SYNE3: variants seen among roughly 807,000 people sequenced by gnomAD.
SYNE3 encodes the protein nesprin-3.
Under a neutral mutation model 111.2 loss-of-function variants are expected in SYNE3, and 100 were observed. That is an observed-to-expected ratio of 0.90 (90% confidence interval 0.77 to 1.06). SYNE3 has a LOEUF of 1.06. SYNE3 is among the 50% of genes least tolerant of loss of function. The probability of loss-of-function intolerance (pLI) is 0.00; values close to 1 mark genes in which losing one functional copy is unlikely to be tolerated. For synonymous variants in SYNE3, 547 were observed against 533.9 expected (o/e 1.02, Z -0.34); for missense variants, 1,160 against 1,240.3 (o/e 0.94, Z 0.97).
chr14:95,512,568 ATAGGC>A (rs1890759781), intron 1 of SYNE3, among the ~76,000 whole-genome samples: 1 of 150,998 alleles, frequency 6.6e-6, no homozygotes, highest in Non-Finnish European at 1.5e-5. Context: ...AAATAAATAA[ATAGGC>A]TGGGCACGGT....
chr14:95,474,360 A>G (rs913212492), intron 2 of SYNE3, among the ~76,000 whole-genome samples: 4 of 152,158 alleles, frequency 2.6e-5, no homozygotes, highest in African/African-American at 9.7e-5. Flanking sequence ...AGTTGCCCTG[A>G]TTGTTTGCAT....
At chr14:95,480,069 A>G (rs944071591) in intron 1 of SYNE3, among the ~76,000 whole-genome samples, 1 of 152,210 alleles carries the variant, frequency 6.6e-6, no homozygotes, top group Non-Finnish European at 1.5e-5. Flanking sequence ...AAATAAATAA[A>G]TAAATAAAAA....
intron 1 of SYNE3, among the ~76,000 whole-genome samples, chr14:95,484,303 G>A (rs1889423031): frequency 6.6e-6 from 1 of 152,190 alleles, no homozygotes; most frequent in Admixed American, 6.5e-5. Flanking sequence ...TATGTTCCTA[G>A]GGCAGGGTGG....
At chr14:95,463,649 G>C (rs1465676970) in intron 4 of SYNE3, among the ~76,000 whole-genome samples, 1 of 152,222 alleles carries the variant, frequency 6.6e-6, no homozygotes, top group Non-Finnish European at 1.5e-5. Flanking sequence ...GCCTTGGCAG[G>C]GCTGGATGAG....
At chr14:95,428,908 C>A (rs1279219769) in intron 17 of SYNE3, among the ~76,000 whole-genome samples, 2 of 152,160 alleles carry the variant, frequency 1.3e-5, no homozygotes, top group Admixed American at 6.5e-5. Flanking sequence ...TGTGGAGAAC[C>A]AACTGCTCAT....
chr14:95,506,557 A>G (rs1266212920), intron 1 of SYNE3, among the ~76,000 whole-genome samples: 7 of 152,342 alleles, frequency 4.6e-5, no homozygotes, highest in Admixed American at 3.9e-4. Flanking sequence ...CGCCCTGTTC[A>G]ACTCACTGCA....
intron 4 of SYNE3, among the ~76,000 whole-genome samples, chr14:95,461,373 C>T (rs1181676131): frequency 6.6e-6 from 1 of 152,198 alleles, no homozygotes; most frequent in South Asian, 2.1e-4. Context: ...AACAAACAAA[C>T]AAGCCCCTCC....
intron 11 of SYNE3, among the ~76,000 whole-genome samples, chr14:95,441,449 G>A (rs1188854174): frequency 2.0e-5 from 3 of 152,226 alleles, no homozygotes; most frequent in African/African-American, 4.8e-5. Flanking sequence ...AGACTGCCTC[G>A]CTGTGGGGAA....
chr14:95,515,104 A>T (rs1169796645), intron 1 of SYNE3, among the ~76,000 whole-genome samples: 1 of 152,184 alleles, frequency 6.6e-6, no homozygotes, highest in African/African-American at 2.4e-5. Flanking sequence ...CCACCAACAC[A>T]TCCTCAGGCC....
intron 8 of SYNE3, among the ~76,000 whole-genome samples, chr14:95,446,914 C>CACAGG (rs1886753188): frequency 6.6e-6 from 1 of 152,190 alleles, no homozygotes; most frequent in Admixed American, 6.5e-5. Flanking sequence ...GCCTCTCCAG[C>CACAGG]TGTTTCAGGT....
At chr14:95,449,335 TGAGGG>T (rs1235639916) in intron 8 of SYNE3, 2 of 719,842 alleles carry the variant, frequency 2.8e-6, no homozygotes, top group Admixed American at 6.3e-5. Context: ...CAATGAGATG[TGAGGG>T]GAGTGTGCGG....
chr14:95,457,451 G>T, intron 4 of SYNE3, 113 bp from the exon 5 acceptor site: 1 of 1,302,336 alleles, frequency 7.7e-7, no homozygotes, highest in Non-Finnish European at 1.1e-6. Flanking sequence ...TGTGTTAGCA[G>T]GGGGTGCAAC....
At chr14:95,510,223 T>C (rs1890673733) in intron 1 of SYNE3, among the ~76,000 whole-genome samples, 2 of 152,170 alleles carry the variant, frequency 1.3e-5, no homozygotes, top group South Asian at 4.1e-4. Flanking sequence ...CCAACCCTGT[T>C]AGATGGGAAA....
chr14:95,452,252 A>G lies in SYNE3; in HGVS notation c.1269T>C (p.Tyr423=). 6.3e-7 allele frequency: 1 copy of G among 1,599,380 alleles called. No individual in the cohort carries two copies. Among genetic ancestry groups the G allele is most frequent in the Non-Finnish European group, 8.6e-7 (1 of 1,168,948 alleles). Residue 423 remains tyrosine, a synonymous_variant, in exon 7 of 18, where the codon TAT becomes TAC. Coordinates refer to ENST00000682763, the MANE Select transcript of SYNE3 (RefSeq NM_152592.6). The stretch of plus-strand genomic sequence containing the variant: ...CCCTTGGCCTTCCCAGATACCTCTG[A>G]TACTCCTGGATGGTAGCGATGACAC... ...SDSVIATIQE[Y]QSLKVKSARL...
At chr14:95,494,894 C>T (rs1278750180) in intron 1 of SYNE3, among the ~76,000 whole-genome samples, 1 of 151,938 alleles carries the variant, frequency 6.6e-6, no homozygotes, top group African/African-American at 2.4e-5. Flanking sequence ...GTGTGGATCG[C>T]CTGAGGTCAG....
intron 7 of SYNE3, 105 bp downstream of exon 7, chr14:95,452,142 T>C (rs1244148927): frequency 2.2e-6 from 3 of 1,336,804 alleles, no homozygotes; most frequent in African/African-American, 1.5e-5. Context: ...AAGAATGATT[T>C]AGAAGTTACT....
Position 95,436,821 on chromosome 14 carries a change from T to G in SYNE3, c.2537A>C (p.Gln846Pro). Residue 846 changes from glutamine (Q) to proline (P), a missense_variant and splice_region_variant, in exon 15 of 18, where the codon CAG (glutamine) becomes CCG (proline). Physicochemically the swap from Gln to Pro is moderately conservative, Grantham distance 76 (BLOSUM62 -1). Coordinates refer to ENST00000682763, the MANE Select transcript of SYNE3 (RefSeq NM_152592.6). ...EDLRTRKSKL[Q>P]ELEARVPEGQ... ...AGGGACCTTTCCTGGGGAACAGACC[T>G]GCAGCTTCGATTTTCTGGTCCTCAA... 1.2e-6 allele frequency: 2 copies of G among 1,614,036 alleles called. No homozygotes were observed. The highest frequency in any genetic ancestry group is 1.7e-6 in the Non-Finnish European group (2 of 1,180,038).
intron 10 of SYNE3, 117 bp from the exon 11 acceptor site, chr14:95,443,406 G>A (rs986888707): frequency 1.4e-5 from 19 of 1,311,280 alleles, no homozygotes; most frequent in African/African-American, 7.4e-5. Context: ...TCCCCAAGGC[G>A]GTGGGGCTCT....
At chr14:95,505,003 TG>T (rs1179701569) in intron 1 of SYNE3, among the ~76,000 whole-genome samples, 1 of 152,208 alleles carries the variant, frequency 6.6e-6, no homozygotes, top group Non-Finnish European at 1.5e-5. Flanking sequence ...GTTTCCCTTC[TG>T]GGGAGCTTAA....
Sources: gnomAD v4.1 joint callset for allele counts (sites outside exome capture counted in the v4.1 genomes callset) on GRCh38, gnomAD v4.1.1 for gene constraint, MANE v1.5 for transcripts, NCBI Gene and HGNC (gene_info 2026-07-23, HGNC 2026-07-21) for gene names.